FRMD4A: variants seen among roughly 807,000 people sequenced by gnomAD.
FRMD4A encodes the protein FERM domain-containing protein 4A.
FRMD4A carries 29 observed loss-of-function variants against 129.1 expected under a neutral mutation model. That is an observed-to-expected ratio of 0.22 (90% CI 0.17 to 0.31). The LOEUF (loss-of-function observed/expected upper bound fraction) is 0.31. FRMD4A is among the 10% of genes least tolerant of loss of function. The pLI is 1.00. For missense variants in FRMD4A, 1,272 were observed against 1,375.8 expected, an observed-to-expected ratio of 0.92 and a Z score of 1.19; for synonymous variants, 634 against 571.6, an observed-to-expected ratio of 1.11 and a Z score of -1.56.
chr10:14,122,435 A>G (rs888319892), intron 2 of FRMD4A, among the ~76,000 whole-genome samples: 2 of 152,128 alleles, frequency 1.3e-5, no homozygotes, highest in Non-Finnish European at 2.9e-5. Context: ...GAGATTGGGT[A>G]ATTTATAAAG....
At chr10:13,762,511 G>A in intron 7 of FRMD4A, 113 bp downstream of exon 7, 1 of 662,566 alleles carries the variant, frequency 1.5e-6, no homozygotes, top group Non-Finnish European at 2.7e-6. Context: ...GCTAAAAAAA[G>A]GTAAGACGAC....
At position 13,967,867 on chromosome 10, in the gene FRMD4A, G is replaced by A. The variant is rs538198866; in HGVS notation, c.46-108955C>T. Among the ~76,000 whole-genome samples the A allele has an allele frequency of 2.0e-5, 3 of 152,306 alleles. No individual in the cohort carries two copies. In the East Asian group the frequency reaches 5.8e-4, roughly 29 times the overall value. On this transcript the variant is annotated intron_variant, in intron 2 of 24. Coordinates refer to ENST00000357447, the MANE Select transcript of FRMD4A (RefSeq NM_018027.5). ...TTGAGACCAGTCTGGACGACATGGC[G>A]AAACCCCATCTCTACAAAAAATACA...
At chr10:14,125,174 C>T (rs1367252385) in intron 2 of FRMD4A, among the ~76,000 whole-genome samples, 1 of 152,148 alleles carries the variant, frequency 6.6e-6, no homozygotes, top group Admixed American at 6.5e-5. Context: ...ACCATGATCA[C>T]CGTCGATGAC....
In FRMD4A at chr10:13,726,698, G is replaced by A. The variant is rs77070467; in HGVS notation, c.759+11146C>T. Among the ~76,000 whole-genome samples the A allele has an allele frequency of 5.0e-4, 76 of 151,638 alleles. 2 individuals carry two copies. The East Asian group carries it at 0.011, about 23-fold the overall frequency. On this transcript the variant is annotated intron_variant, in intron 12 of 24. Transcript: ENST00000357447. ...GTTGCCCAGGCTGGAGTGTAGTGGT[G>A]TGATCTTGGCTCACTGCAGCCTCAA... is the stretch of plus-strand genomic sequence containing the variant.
intron 2 of FRMD4A, among the ~76,000 whole-genome samples, chr10:13,995,414 G>A (rs1056794877): frequency 6.6e-6 from 1 of 152,150 alleles, no homozygotes; most frequent in Admixed American, 6.5e-5. Context: ...ATGAAACCCT[G>A]TCTCTACTAA....
intron 2 of FRMD4A, among the ~76,000 whole-genome samples, chr10:14,055,461 AAACACACACACACAC>A (rs1834476328): frequency 1.3e-3 from 31 of 23,100 alleles, no homozygotes; most frequent in African/African-American, 2.4e-3. Flanking sequence ...ACACACACAC[AAACACACACACACAC>A]ACACACACAC....
At chr10:14,201,010 T>C (rs1016516556) in intron 2 of FRMD4A, among the ~76,000 whole-genome samples, 2 of 152,212 alleles carry the variant, frequency 1.3e-5, no homozygotes, top group Non-Finnish European at 2.9e-5. Flanking sequence ...ATTTTTCCAG[T>C]GCTGGCAGAG....
chr10:13,972,113 C>T, intron 2 of FRMD4A: 2 of 1,089,278 alleles, frequency 1.8e-6, no homozygotes, highest in Admixed American at 4.3e-5. Context: ...GATAACGGCA[C>T]ATCCCTGTTT....
chr10:13,996,825 G>A (rs2095624199), intron 2 of FRMD4A, among the ~76,000 whole-genome samples: 1 of 152,196 alleles, frequency 6.6e-6, no homozygotes. Context: ...TTACAGAATA[G>A]ATGTCGATCC....
chr10:14,215,586 A>G (rs1205589514), intron 2 of FRMD4A, among the ~76,000 whole-genome samples: 2 of 152,130 alleles, frequency 1.3e-5, no homozygotes, highest in Non-Finnish European at 2.9e-5. Context: ...TGGGGGGAAA[A>G]GCAAATTTAA....
chr10:13,885,005 C>A (rs2094602009), intron 2 of FRMD4A, among the ~76,000 whole-genome samples: 1 of 152,172 alleles, frequency 6.6e-6, no homozygotes, highest in Non-Finnish European at 1.5e-5. Flanking sequence ...TCATATCCCC[C>A]CAAAGTTAGC....
intron 2 of FRMD4A, among the ~76,000 whole-genome samples, chr10:14,014,354 T>C (rs2131638685): frequency 6.6e-6 from 1 of 152,316 alleles, no homozygotes; most frequent in South Asian, 2.1e-4. Context: ...CCCATTAATA[T>C]GTACGTGTAT....
At chr10:13,859,113 C>A (rs912079861) in intron 2 of FRMD4A, among the ~76,000 whole-genome samples, 2 of 152,200 alleles carry the variant, frequency 1.3e-5, no homozygotes, top group Non-Finnish European at 2.9e-5. Flanking sequence ...CGCGGTGGCT[C>A]ACGCCTGTAA....
At chr10:13,818,757 A>C (rs1221144471) in intron 3 of FRMD4A, among the ~76,000 whole-genome samples, 1 of 152,212 alleles carries the variant, frequency 6.6e-6, no homozygotes, top group Non-Finnish European at 1.5e-5. Context: ...ATCTATATGA[A>C]GTACTTAGAA....
chr10:13,904,327 C>T (rs1565008443), intron 2 of FRMD4A, among the ~76,000 whole-genome samples: 1 of 152,188 alleles, frequency 6.6e-6, no homozygotes, highest in Non-Finnish European at 1.5e-5. Flanking sequence ...GAAAACCCTC[C>T]CGTCCTCCCT....
At chr10:13,703,509 T>C (rs2087076171) in intron 13 of FRMD4A, among the ~76,000 whole-genome samples, 1 of 152,174 alleles carries the variant, frequency 6.6e-6, no homozygotes, top group Non-Finnish European at 1.5e-5. Context: ...ATCATTCCCA[T>C]CGATTACATC....
chr10:14,147,630 A>T (rs1433915309), intron 2 of FRMD4A, among the ~76,000 whole-genome samples: 1 of 152,040 alleles, frequency 6.6e-6, no homozygotes, highest in Non-Finnish European at 1.5e-5. Context: ...TGCGACCTAG[A>T]TCCCTGGCAT....
chr10:13,744,746 A>C (rs140398138), intron 9 of FRMD4A: 1 of 152,352 alleles, frequency 6.6e-6, no homozygotes, highest in African/African-American at 2.4e-5. Flanking sequence ...ACTCTGGGTA[A>C]CTGTGATGAG....
At chr10:13,874,262 AAAAAAAG>A (rs1315502015) in intron 2 of FRMD4A, among the ~76,000 whole-genome samples, 3 of 151,344 alleles carry the variant, frequency 2.0e-5, no homozygotes, top group African/African-American at 7.3e-5. Flanking sequence ...AAAAAAAAAA[AAAAAAAG>A]AGGAATTGCT....
Sources: allele counts gnomAD v4.1 joint callset (sites outside exome capture counted in the v4.1 genomes callset), GRCh38; gene constraint gnomAD v4.1.1; transcripts MANE v1.5; gene names NCBI Gene and HGNC (gene_info 2026-07-23, HGNC 2026-07-21).